The following BRD3 variants were observed in gnomAD, a reference collection of about 807,000 sequenced individuals.
BRD3 encodes the protein bromodomain-containing protein 3.
A neutral mutation model predicts 66.8 loss-of-function variants in BRD3; 17 were observed. That is an observed-to-expected ratio of 0.25 (90% confidence interval 0.17 to 0.38). The LOEUF is 0.38. BRD3 is among the 10% of genes least tolerant of loss of function. The pLI is 1.00. For synonymous variants in BRD3, 421 were observed against 393.2 expected, an observed-to-expected ratio of 1.07 and a Z score of -0.84; for missense variants, 713 against 956.1, an observed-to-expected ratio of 0.75 and a Z score of 3.35.
At chr9:134,052,864 G>T (rs551217773) in intron 2 of BRD3, among the ~76,000 whole-genome samples, 1 of 152,294 alleles carries the variant, frequency 6.6e-6, no homozygotes, top group East Asian at 1.9e-4. Context: ...ATGCAGATGA[G>T]GGCACCATCA....
chr9:134,041,699 G>A (rs1830051000), intron 8 of BRD3, 61 bp downstream of exon 8: 6 of 1,560,066 alleles, frequency 3.8e-6, no homozygotes, highest in Non-Finnish European at 5.2e-6. Context: ...CGGACCTTGG[G>A]CTGCTGTGCC....
chr9:134,066,665 G>T (rs989193862), intron 1 of BRD3, among the ~76,000 whole-genome samples: 1 of 152,224 alleles, frequency 6.6e-6, no homozygotes, highest in African/African-American at 2.4e-5. Flanking sequence ...CCTTCTCACA[G>T]GGTAGGGCGG....
chr9:134,068,458 C>T (rs1236517962), upstream of BRD3: 1 of 150,054 alleles, frequency 6.7e-6, no homozygotes, highest in Non-Finnish European at 1.5e-5. Context: ...CCTCGAACCC[C>T]GGCCGCGCAC....
intron 1 of BRD3, chr9:134,053,801 T>C (rs1830355315): frequency 2.9e-6 from 1 of 345,460 alleles, no homozygotes; most frequent in Non-Finnish European, 5.2e-6. Flanking sequence ...CTCCAACCAC[T>C]GCTCTCAGGC....
In BRD3 at chr9:134,048,502, A is replaced by T; in HGVS notation, c.715-48T>A. On this transcript the variant is annotated intron_variant, in intron 5 of 11. Coordinates refer to ENST00000303407, the MANE Select transcript of BRD3 (RefSeq NM_007371.4). ...GAACCCCGGAAACCAGGGGCCCCGA[A>T]GACGCATGTCGCTGCAGCCGCGTTT... The T allele has an allele frequency of 1.9e-6, 3 of 1,595,778 alleles. No individual in the cohort carries two copies. The South Asian group carries it at 3.3e-5, about 18-fold the overall frequency.
In BRD3 at chr9:134,045,273, C is replaced by G. The variant is rs763168930; in HGVS notation, c.1215+20G>C. The G allele has an allele frequency of 1.2e-6, 2 of 1,612,830 alleles. No individual in the cohort carries two copies. Among genetic ancestry groups the G allele is most frequent in the Middle Eastern group, 1.7e-4 (1 of 6,060 alleles). On this transcript the variant is annotated intron_variant, in intron 7 of 11. Transcript: ENST00000303407. The surrounding 1 kb of genome is among the most constrained non-coding windows in gnomAD (Gnocchi z 4.8). ...CAGCACTGAGCTGAGCAGCCCCACC[C>G]GTGCCCAGCCTCGGGTTACCTGGAG... is the stretch of plus-strand genomic sequence containing the variant.
intron 1 of BRD3, chr9:134,058,550 C>T (rs577299794): frequency 6.6e-6 from 1 of 152,390 alleles, no homozygotes; most frequent in African/African-American, 2.4e-5. Flanking sequence ...CTGACCACTC[C>T]GTGTCACCTG....
In BRD3 at chr9:134,040,134, C is replaced by A. The variant is rs2132393244; in HGVS notation, c.1543G>T (p.Ala515Ser). 1 of 1,566,964 alleles carries A rather than the reference C, an allele frequency of 6.4e-7. No homozygotes were observed. The highest frequency in any genetic ancestry group is 8.6e-7 in the Non-Finnish European group (1 of 1,156,402). The part of the protein sequence containing the change: ...EKEKEKHKVK[A>S]EEEKKAKVAP... ...ACCTTGGCCTTCTTCTCTTCCTCGG[C>A]CTTCACTTTGTGCTTCTCCTTCTCC... Residue 515 changes from alanine (A) to serine (S), a missense_variant, in exon 9 of 12, where the codon GCC (alanine) becomes TCC (serine). Around this residue, in one of 5 missense-constraint regions of BRD3, gnomAD observed 418 missense variants for 609.3 expected, o/e 0.69. Coordinates refer to ENST00000303407, the MANE Select transcript of BRD3 (RefSeq NM_007371.4).
chr9:134,046,340 GGA>G (rs1282257596), intron 6 of BRD3, among the ~76,000 whole-genome samples: 1 of 152,226 alleles, frequency 6.6e-6, no homozygotes, highest in East Asian at 1.9e-4. Context: ...ATGGCTTCAA[GGA>G]GAGGCACCTT....
intron 1 of BRD3, among the ~76,000 whole-genome samples, chr9:134,059,146 G>A (rs74750750): frequency 7.2e-5 from 11 of 152,364 alleles, no homozygotes; most frequent in African/African-American, 2.6e-4. Flanking sequence ...TCTGCTTCAT[G>A]ATAATGTGGG....
At chr9:134,053,082 T>C (rs1422187760) in intron 2 of BRD3, among the ~76,000 whole-genome samples, 183 bp downstream of exon 2, 1 of 152,104 alleles carries the variant, frequency 6.6e-6, no homozygotes, top group Non-Finnish European at 1.5e-5. Context: ...CGCCCTCCAC[T>C]CTCCCACGCC....
At position 134,048,390 on chromosome 9, in the gene BRD3, C is replaced by T. The variant is rs200337841; in HGVS notation, c.779G>A (p.Arg260Gln). 1.9e-5 allele frequency: 31 copies of T among 1,598,422 alleles called. No homozygotes were observed. Among genetic ancestry groups the T allele is most frequent in the Admixed American group, 3.3e-5 (2 of 59,996 alleles). ...TGACAACGGCGGGGGCGACTCACTC[C>T]GGCTGGCAGTGATGGCCGACGTCGT... is the stretch of plus-strand genomic sequence containing the variant. The part of the protein sequence containing the change: ...TPTTSAITAS[R>Q]SESPPPLSDP... Residue 260 changes from arginine (R) to glutamine (Q), a missense_variant, in exon 6 of 12, where the codon CGG becomes CAG. Physicochemically the swap from Arg to Gln is conservative, Grantham distance 43. Transcript: ENST00000303407.
chr9:134,046,445 T>C (rs1050399643), intron 6 of BRD3, among the ~76,000 whole-genome samples: 25 of 152,172 alleles, frequency 1.6e-4, no homozygotes, highest in African/African-American at 5.5e-4. Flanking sequence ...CAGGTGCCAG[T>C]GAGATGGAGG....
chr9:134,038,489 A>T (rs559271548), intron 9 of BRD3, among the ~76,000 whole-genome samples: 1 of 152,080 alleles, frequency 6.6e-6, no homozygotes, highest in Non-Finnish European at 1.5e-5. Context: ...TGAGACCACT[A>T]TGGGCAACAC....
intron 5 of BRD3, among the ~76,000 whole-genome samples, chr9:134,049,934 C>G (rs371162991): frequency 5.6e-4 from 85 of 152,326 alleles, no homozygotes; most frequent in African/African-American, 2.0e-3. Flanking sequence ...GCAGGACAGG[C>G]AGGTCCCCAT....
At chr9:134,046,656 G>A (rs1322720159) in intron 6 of BRD3, among the ~76,000 whole-genome samples, 2 of 152,196 alleles carry the variant, frequency 1.3e-5, no homozygotes, top group South Asian at 2.1e-4. Context: ...AGCTCCATCT[G>A]TATAATCTAG....
Position 134,045,230 on chromosome 9 carries a change from C to G in BRD3, c.1215+63G>C. On this transcript the variant is annotated intron_variant, in intron 7 of 11. Transcript: ENST00000303407. The surrounding 1 kb of genome is among the most constrained non-coding windows in gnomAD (Gnocchi z 4.8). The stretch of plus-strand genomic sequence containing the variant: ...CATTCACCTGGGCGCTTACCCCACA[C>G]TGAGGCCAGGATGCCCACAGCACTG... 1 of 1,594,868 alleles carries G rather than the reference C, an allele frequency of 6.3e-7. No individual in the cohort carries two copies. Among genetic ancestry groups the G allele is most frequent in the South Asian group, 1.1e-5 (1 of 89,768 alleles).
Position 134,045,713 on chromosome 9 carries a change from G to C in BRD3, c.1087-292C>G, listed in dbSNP as rs569949204. On this transcript the variant is annotated intron_variant, in intron 6 of 11. Transcript: ENST00000303407. This position sits in a 1 kb window ranked among gnomAD's most constrained non-coding sequence, Gnocchi z 4.8. ...AACAAGAAATCCCAGGTTCCCGTAG[G>C]CGTCCCTTGGCCCCTTCCTTGTCCA... Among the ~76,000 whole-genome samples the C allele has an allele frequency of 6.6e-6, 1 of 152,276 alleles. No individual in the cohort carries two copies. Among genetic ancestry groups the C allele is most frequent in the African/African-American group, 2.4e-5 (1 of 41,552 alleles).
Position 134,067,580 on chromosome 9 carries a change from G to T in BRD3, c.-114+365C>A, listed in dbSNP as rs1830692969. On this transcript the variant is annotated intron_variant, in intron 1 of 11. Coordinates refer to ENST00000303407, the MANE Select transcript of BRD3 (RefSeq NM_007371.4). Reference sequence around the variant, plus strand: ...AAAAAAATCCCTTCCGTGAGGGAGGGCGCGCGGAGGCCGGGCTGGCGCGGG... The same window carrying T: ...AAAAAAATCCCTTCCGTGAGGGAGGTCGCGCGGAGGCCGGGCTGGCGCGGG... Among the ~76,000 whole-genome samples the T allele has an allele frequency of 2.7e-5, 4 of 147,300 alleles. 1 individual carries two copies. The South Asian group carries it at 8.3e-4, about 31-fold the overall frequency.
Sources: gnomAD v4.1 joint callset for allele counts (sites outside exome capture counted in the v4.1 genomes callset) on GRCh38, gnomAD v4.1.1 for gene constraint, gnomAD v4.1.1 regional missense constraint, Gnocchi (gnomAD v3.1) non-coding constraint, MANE v1.5 for transcripts, NCBI Gene and HGNC (gene_info 2026-07-23, HGNC 2026-07-21) for gene names.